UNC13C: variants seen among roughly 807,000 people sequenced by gnomAD.
The protein encoded by UNC13C is protein unc-13 homolog C.
A neutral mutation model predicts 245.4 loss-of-function variants in UNC13C; 174 were observed. The ratio of observed to expected loss-of-function variants is 0.71; its 90% CI spans 0.63 to 0.80. UNC13C has a LOEUF of 0.80. Among genes scored for constraint, UNC13C ranks in the 30% least tolerant of loss-of-function variants. The pLI is 0.00. For missense variants in UNC13C, 2,829 were observed against 2,602.9 expected (o/e 1.09, Z -1.89); for synonymous variants, 992 against 895.1 (o/e 1.11, Z -1.93).
the UNC13C span, among the ~76,000 whole-genome samples, chr15:53,900,965 G>A: frequency 6.6e-6 from 1 of 151,714 alleles, no homozygotes; most frequent in African/African-American, 2.4e-5. Flanking sequence ...ACCAAAAGAT[G>A]AATTTAAAAG....
intron 19 of UNC13C, among the ~76,000 whole-genome samples, chr15:54,436,796 G>A (rs753480740): frequency 7.9e-5 from 12 of 151,656 alleles, no homozygotes; most frequent in African/African-American, 9.7e-5. Flanking sequence ...AAACCTGCAC[G>A]TTCTGCACAT....
intron 4 of UNC13C, among the ~76,000 whole-genome samples, chr15:54,217,377 C>T (rs938580488): frequency 4.0e-5 from 6 of 151,840 alleles, no homozygotes; most frequent in Non-Finnish European, 5.9e-5. Flanking sequence ...TGGAACAAAG[C>T]GTAGTCAGAA....
At chr15:53,862,804 G>C in the UNC13C span, among the ~76,000 whole-genome samples, 1 of 151,858 alleles carries the variant, frequency 6.6e-6, no homozygotes, top group South Asian at 2.1e-4. Context: ...GACTCCATCT[G>C]TAAGTAACAT....
intron 30 of UNC13C, among the ~76,000 whole-genome samples, chr15:54,583,360 T>C (rs1434378996): frequency 2.0e-5 from 3 of 152,220 alleles, no homozygotes; most frequent in Non-Finnish European, 2.9e-5. Context: ...TCATGTAGAC[T>C]GCACTAAAAT....
intron 29 of UNC13C, among the ~76,000 whole-genome samples, chr15:54,565,764 C>A: frequency 6.6e-6 from 1 of 152,074 alleles, no homozygotes; most frequent in East Asian, 1.9e-4. Context: ...ATCATCTATA[C>A]TATTATTATT....
At chr15:54,207,182 C>T (rs546952730) in intron 4 of UNC13C, among the ~76,000 whole-genome samples, 9 of 151,688 alleles carry the variant, frequency 5.9e-5, no homozygotes, top group Admixed American at 2.0e-4. Context: ...TTGGTTGTTC[C>T]GAACAAAACT....
chr15:54,483,626 G>A (rs1893248497), intron 19 of UNC13C, among the ~76,000 whole-genome samples: 1 of 152,130 alleles, frequency 6.6e-6, no homozygotes, highest in Non-Finnish European at 1.5e-5. Flanking sequence ...CTCCCAAGTA[G>A]CTGGGATTAC....
At chr15:54,281,264 T>G (rs1342653416) in intron 10 of UNC13C, among the ~76,000 whole-genome samples, 1 of 152,180 alleles carries the variant, frequency 6.6e-6, no homozygotes, top group Non-Finnish European at 1.5e-5. Context: ...GTGCAAAATG[T>G]TTATTAGTCT....
At chr15:54,593,504 G>A (rs1050519275) in intron 30 of UNC13C, among the ~76,000 whole-genome samples, 1 of 151,916 alleles carries the variant, frequency 6.6e-6, no homozygotes, top group Non-Finnish European at 1.5e-5. Flanking sequence ...TTTCTTACTT[G>A]TAGAGGCTTT....
At chr15:54,220,300 C>T (rs2035182492) in intron 4 of UNC13C, among the ~76,000 whole-genome samples, 1 of 149,954 alleles carries the variant, frequency 6.7e-6, no homozygotes, top group South Asian at 2.1e-4. Context: ...TTTGTAGGGA[C>T]ATGGATGAAA....
At chr15:54,215,442 G>T (rs2140763001) in intron 4 of UNC13C, among the ~76,000 whole-genome samples, 1 of 151,982 alleles carries the variant, frequency 6.6e-6, no homozygotes, top group African/African-American at 2.4e-5. Flanking sequence ...AATGGCATTA[G>T]CTTTAAAAAA....
chr15:54,228,551 G>T (rs960639724), intron 4 of UNC13C, among the ~76,000 whole-genome samples: 10 of 152,114 alleles, frequency 6.6e-5, no homozygotes, highest in Non-Finnish European at 1.2e-4. Context: ...AGGGACCTAG[G>T]GTATTTTAGT....
intron 19 of UNC13C, among the ~76,000 whole-genome samples, chr15:54,475,281 TTTATTATTATTATTATTATTATTA>T (rs60034401): frequency 1.9e-5 from 2 of 105,024 alleles, no homozygotes; most frequent in Non-Finnish European, 3.8e-5. Flanking sequence ...TGGTTTTTTG[TTTATTATTATTATTATTATTATTA>T]TTATTATTAT....
At chr15:54,602,993 G>A (rs1596654518) in intron 30 of UNC13C, among the ~76,000 whole-genome samples, 4 of 95,720 alleles carry the variant, frequency 4.2e-5, no homozygotes, top group African/African-American at 1.8e-4. Flanking sequence ...TCAGTGGGGA[G>A]ATTTCACAAA....
At chr15:54,510,788 TTCC>T (rs1373848807) in intron 23 of UNC13C, among the ~76,000 whole-genome samples, 2 of 152,152 alleles carry the variant, frequency 1.3e-5, no homozygotes, top group African/African-American at 2.4e-5. Context: ...TCCATTTTCC[TTCC>T]TTTGTCTATT....
intron 17 of UNC13C, among the ~76,000 whole-genome samples, chr15:54,349,218 A>C (rs2038926762): frequency 6.6e-6 from 1 of 151,046 alleles, no homozygotes; most frequent in African/African-American, 2.4e-5. Flanking sequence ...ACTAGTATAT[A>C]AAATTTTACT....
chr15:53,864,955 T>C, the UNC13C span, among the ~76,000 whole-genome samples: 1 of 152,070 alleles, frequency 6.6e-6, no homozygotes, highest in East Asian at 1.9e-4. Context: ...TAACCAGGGG[T>C]CAGAAGTCCC....
At chr15:54,175,618 T>TG (rs1373349713) in intron 4 of UNC13C, among the ~76,000 whole-genome samples, 1 of 150,254 alleles carries the variant, frequency 6.7e-6, no homozygotes, top group African/African-American at 2.5e-5. Context: ...GTTCACGCCA[T>TG]TCTCCTGCCT....
Position 54,494,587 on chromosome 15 carries a change from AT to A in UNC13C, c.4934-18del. ...GTTGGCAAACCAAGCTTTATTAAAT[AT>A]TTAATTTTATCTGTTATAGAACATG... is the stretch of plus-strand genomic sequence containing the variant. On this transcript the variant is annotated intron_variant, in intron 19 of 32. Coordinates refer to ENST00000260323, the MANE Select transcript of UNC13C (RefSeq NM_001080534.3). 1 of 1,550,352 alleles carries A rather than the reference AT, an allele frequency of 6.5e-7. No homozygotes were observed.
Sources: gnomAD v4.1 joint callset for allele counts (sites outside exome capture counted in the v4.1 genomes callset) on GRCh38, gnomAD v4.1.1 for gene constraint, MANE v1.5 for transcripts, NCBI Gene and HGNC (gene_info 2026-07-23, HGNC 2026-07-21) for gene names.